The following GNL1 variants were observed in gnomAD, a reference collection of about 807,000 sequenced individuals.
The protein encoded by GNL1 is G protein nucleolar 1.
Under a neutral mutation model 75.2 loss-of-function variants are expected in GNL1, and 21 were observed. That is an observed-to-expected ratio of 0.28 (90% CI 0.20 to 0.40). The LOEUF is 0.40. Among genes scored for constraint, GNL1 ranks in the 10% least tolerant of loss-of-function variants. GNL1 has a pLI of 1.00. For missense variants in GNL1, 579 were observed against 775.0 expected (o/e 0.75, Z 3.00); for synonymous variants, 287 against 303.4 (o/e 0.95, Z 0.56).
Position 30,546,964 on chromosome 6 carries a change from A to G in GNL1, c.1442-128T>C. On this transcript the variant is annotated intron_variant, in intron 10 of 11. Coordinates refer to ENST00000376621, the MANE Select transcript of GNL1 (RefSeq NM_005275.5). This position sits in a 1 kb window ranked among gnomAD's most constrained non-coding sequence, Gnocchi z 5.1. ...AGGCCAGAGATCTTACTGGCTATGC[A>G]ACAAAAATCTAGGGGTGAGTGGACA... The G allele has an allele frequency of 8.9e-7, 1 of 1,126,262 alleles. No individual in the cohort carries two copies. The highest frequency in any genetic ancestry group is 1.3e-5 in the South Asian group (1 of 74,386). The allele number at this position is 1,126,262 out of a possible 1,614,324, so 69.8% of individuals were successfully genotyped here. A position where few individuals can be genotyped will look rare whatever the true frequency, so the allele number is the denominator to read the frequency against.
Position 30,555,737 on chromosome 6 carries a change from G to C in GNL1, c.74-17C>G. 2.5e-6 allele frequency: 4 copies of C among 1,612,216 alleles called. No homozygotes were observed. The highest frequency in any genetic ancestry group is 3.4e-6 in the Non-Finnish European group (4 of 1,179,318). On this transcript the variant is annotated splice_polypyrimidine_tract_variant and intron_variant, in intron 1 of 11. Transcript: ENST00000376621. This position sits in a 1 kb window ranked among gnomAD's most constrained non-coding sequence, Gnocchi z 4.3. ...CTTGAAGCCCTGCGGGGAGGGGCCG[G>C]TGACGCCAGTGCTGGCCAGCTCTCA...
Position 30,546,231 on chromosome 6 carries a change from C to T in GNL1, c.1665G>A (p.Glu555=), listed in dbSNP as rs760694109. 1.7e-5 allele frequency: 25 copies of T among 1,488,894 alleles called. No homozygotes were observed. The East Asian group carries it at 5.8e-4, about 35-fold the overall frequency. 92.2% of individuals were successfully genotyped at this position (1,488,894 alleles called of 1,614,324 possible). ...RVGPAGDEEE[E]EEEELSSSCE... is the part of the protein sequence containing the mutation. Reference sequence around the variant, plus strand: ...AGGAGCTGCTCAGCTCTTCCTCTTCCTCCTCCTCCTCGTCACCTGCTGGCC... The same window carrying T: ...AGGAGCTGCTCAGCTCTTCCTCTTCTTCCTCCTCCTCGTCACCTGCTGGCC... Residue 555 remains glutamate (E), a synonymous_variant, in exon 12 of 12, where the codon GAG becomes GAA. Transcript: ENST00000376621. This position sits in a 1 kb window ranked among gnomAD's most constrained non-coding sequence, Gnocchi z 5.1.
chr6:30,556,345 A>G lies in GNL1; in HGVS notation c.-142T>C. On this transcript the variant is annotated 5_prime_UTR_variant, in exon 1 of 12. Coordinates refer to ENST00000376621, the MANE Select transcript of GNL1 (RefSeq NM_005275.5). The surrounding 1 kb of genome is among the most constrained non-coding windows in gnomAD (Gnocchi z 5.7). ...GGTGACGTCAGCGGGCGGGCCCGAC[A>G]GAATTACCGCCGCGGCGGCGATGGA... 2 of 884,826 alleles carry G rather than the reference A, an allele frequency of 2.3e-6. No individual in the cohort carries two copies. The highest frequency in any genetic ancestry group is 3.0e-5 in the South Asian group (2 of 67,400). 54.8% of individuals were successfully genotyped at this position (884,826 alleles called of 1,614,324 possible). A position where few individuals can be genotyped will look rare whatever the true frequency, so the allele number is the denominator to read the frequency against.
chr6:30,556,141 C>G lies in GNL1; in HGVS notation c.63G>C (p.Glu21Asp). The change falls in exon 1 of 12, where the codon GAG (glutamate) becomes GAC (aspartate). Residue 21 changes from glutamate (E) to aspartate (D), a missense_variant. Coordinates refer to ENST00000376621, the MANE Select transcript of GNL1 (RefSeq NM_005275.5). This position sits in a 1 kb window ranked among gnomAD's most constrained non-coding sequence, Gnocchi z 5.7. ...QKKKQLQDKRERKRGLQDGLR... is the reference protein window; with the variant it reads ...QKKKQLQDKRDRKRGLQDGLR... ...CGCTCCCGCACTGACCTCTCTTCCG[C>G]TCCCGTTTGTCCTGCAACTGCTTCT... 6.2e-7 allele frequency: 1 copy of G among 1,603,666 alleles called. No individual in the cohort carries two copies. Among genetic ancestry groups the G allele is most frequent in the East Asian group, 2.2e-5 (1 of 44,862 alleles).
rs780587952 is a variant in GNL1, at chr6:30,542,844, A to G, written c.*3228T>C. On this transcript the variant is annotated 3_prime_UTR_variant, in exon 12 of 12. Coordinates refer to ENST00000376621, the MANE Select transcript of GNL1 (RefSeq NM_005275.5). The surrounding 1 kb of genome is among the most constrained non-coding windows in gnomAD (Gnocchi z 4.5). ...TTCTCACCTTTTCAGTCTTAGGCTT[A>G]AAGTTCAACATCCCTCTGGATACAG... 2.0e-5 allele frequency: 3 copies of G among 152,236 alleles called. 1 individual carries two copies. Among genetic ancestry groups the G allele is most frequent in the Admixed American group, 2.0e-4 (3 of 15,276 alleles). 9.4% of individuals were successfully genotyped at this position (152,236 alleles called of 1,614,324 possible). A position where few individuals can be genotyped will look rare whatever the true frequency, so the allele number is the denominator to read the frequency against.
Position 30,555,267 on chromosome 6 carries a change from C to A in GNL1, c.240-76G>T. 1 of 1,562,434 alleles carries A rather than the reference C, an allele frequency of 6.4e-7. No individual in the cohort carries two copies. Among genetic ancestry groups the A allele is most frequent in the South Asian group, 1.1e-5 (1 of 88,756 alleles). On this transcript the variant is annotated intron_variant, in intron 2 of 11. Coordinates refer to ENST00000376621, the MANE Select transcript of GNL1 (RefSeq NM_005275.5). This position sits in a 1 kb window ranked among gnomAD's most constrained non-coding sequence, Gnocchi z 4.3. ...CCTATTTTCTCCCCTCTTGTACAAT[C>A]AACTTCGCAAACCATTCTCTCCAGA... is the stretch of plus-strand genomic sequence containing the variant.
At position 30,552,144 on chromosome 6, in the gene GNL1, G is replaced by T; in HGVS notation, c.1099+323C>A. 1 of 343,734 alleles carries T rather than the reference G, an allele frequency of 2.9e-6. No individual in the cohort carries two copies. Among genetic ancestry groups the T allele is most frequent in the South Asian group, 7.5e-5 (1 of 13,334 alleles). 21.3% of individuals were successfully genotyped at this position (343,734 alleles called of 1,614,324 possible). A position where few individuals can be genotyped will look rare whatever the true frequency, so the allele number is the denominator to read the frequency against. ...CTCCCAAAGCGCTGGGACTATATAG[G>T]CATGAGCCCTCACACATGGCCGTCA... On this transcript the variant is annotated intron_variant, in intron 8 of 11. Transcript: ENST00000376621. The surrounding 1 kb of genome is among the most constrained non-coding windows in gnomAD (Gnocchi z 4.5).
At position 30,555,843 on chromosome 6, in the gene GNL1, C is replaced by A; in HGVS notation, c.74-123G>T. ...TCTTCCGATGTTCAGTCCTCCCAGA[C>A]ACCCTATTTGGGACCCTCCCGGATG... is the stretch of plus-strand genomic sequence containing the variant. On this transcript the variant is annotated intron_variant, in intron 1 of 11. Transcript: ENST00000376621. This position sits in a 1 kb window ranked among gnomAD's most constrained non-coding sequence, Gnocchi z 4.3. 9.1e-7 allele frequency: 1 copy of A among 1,094,530 alleles called. No individual in the cohort carries two copies. The highest frequency in any genetic ancestry group is 1.5e-5 in the South Asian group (1 of 67,832). The allele number at this position is 1,094,530 out of a possible 1,614,324, so 67.8% of individuals were successfully genotyped here.
intron 8 of GNL1, among the ~76,000 whole-genome samples, chr6:30,549,897 C>T (rs1340996526): frequency 1.3e-5 from 2 of 148,774 alleles, no homozygotes; most frequent in Admixed American, 6.8e-5. Context: ...GATCTTGGCT[C>T]ACCGTAACCT....
rs1266674440 is a variant in GNL1 at position 30,556,175 on chromosome 6, T to C, written c.29A>G (p.Lys10Arg). The C allele has an allele frequency of 1.2e-6, 2 of 1,605,922 alleles. No homozygotes were observed. Among genetic ancestry groups the C allele is most frequent in the African/African-American group, 1.3e-5 (1 of 75,060 alleles). Residue 10 changes from lysine to arginine, a missense_variant, in exon 1 of 12, where the codon AAG becomes AGG. Coordinates refer to ENST00000376621, the MANE Select transcript of GNL1 (RefSeq NM_005275.5). The surrounding 1 kb of genome is among the most constrained non-coding windows in gnomAD (Gnocchi z 5.7). ...GTCCTGCAACTGCTTCTTCTTCTGCTTCACGCTGAATGGCTTCTTCCTCGG... is the reference window on the plus strand; with the variant it reads ...GTCCTGCAACTGCTTCTTCTTCTGCCTCACGCTGAATGGCTTCTTCCTCGG... MPRKKPFSV[K>R]QKKKQLQDKR...
chr6:30,555,169 C>G lies in GNL1; in HGVS notation c.262G>C (p.Asp88His). Residue 88 changes from aspartate (D) to histidine (H), a missense_variant, in exon 3 of 12, where the codon GAC becomes CAC. Physicochemically the swap from Asp to His is moderately conservative, Grantham distance 81. Transcript: ENST00000376621. The surrounding 1 kb of genome is among the most constrained non-coding windows in gnomAD (Gnocchi z 4.3). ...CTCCTCTCTACCTCCTCCCTGCTGTCTCTCTCAAAATGCAGTCGGTATCTA... is the reference window on the plus strand; with the variant it reads ...CTCCTCTCTACCTCCTCCCTGCTGTGTCTCTCAAAATGCAGTCGGTATCTA... The part of the protein sequence containing the change: ...PNRYRLHFER[D>H]SREEVERRKR... 6.2e-7 allele frequency: 1 copy of G among 1,613,048 alleles called. No individual in the cohort carries two copies. The highest frequency in any genetic ancestry group is 1.7e-5 in the Admixed American group (1 of 60,026).
Position 30,555,004 on chromosome 6 carries a change from T to A in GNL1, c.376+51A>T, listed in dbSNP as rs1195679129. 1 of 1,611,940 alleles carries A rather than the reference T, an allele frequency of 6.2e-7. No individual in the cohort carries two copies. Among genetic ancestry groups the A allele is most frequent in the African/African-American group, 1.3e-5 (1 of 74,882 alleles). On this transcript the variant is annotated intron_variant, in intron 3 of 11. Coordinates refer to ENST00000376621, the MANE Select transcript of GNL1 (RefSeq NM_005275.5). The surrounding 1 kb of genome is among the most constrained non-coding windows in gnomAD (Gnocchi z 4.3). ...CCCCTCCTTCCTCACAGTCGGCTTT[T>A]ACCTTTCCAAACTCCTTCCCCAGCC...
chr6:30,542,168 G>T lies in GNL1; in HGVS notation c.*3904C>A, dbSNP rs2127359205. On this transcript the variant is annotated 3_prime_UTR_variant, in exon 12 of 12. Transcript: ENST00000376621. This position sits in a 1 kb window ranked among gnomAD's most constrained non-coding sequence, Gnocchi z 4.5. ...TTATTCCTTAACCCTCTGACATCTG[G>T]GGCTTCTGATTCCACCTCTCCAAAG... The T allele has an allele frequency of 6.6e-6, 1 of 151,410 alleles. No homozygotes were observed. The highest frequency in any genetic ancestry group is 2.0e-4 in the East Asian group (1 of 5,126). 9.4% of individuals were successfully genotyped at this position (151,410 alleles called of 1,614,324 possible). A position where few individuals can be genotyped will look rare whatever the true frequency, so the allele number is the denominator to read the frequency against.
In GNL1 at chr6:30,552,477, G is replaced by A. The variant is rs765116090; in HGVS notation, c.1089C>T (p.Ile363=). The change falls in exon 8 of 12, where the codon ATC becomes ATT. Residue 363 remains isoleucine, a synonymous_variant. Transcript: ENST00000376621. This position sits in a 1 kb window ranked among gnomAD's most constrained non-coding sequence, Gnocchi z 4.5. ...CTGCCACTTCCTTACCCACACAGCCGATGGTCACCACCCCATCCTTGTAGC... is the reference window on the plus strand; with the variant it reads ...CTGCCACTTCCTTACCCACACAGCCAATGGTCACCACCCCATCCTTGTAGC... ...QERYKDGVVT[I]GCVGFPNVGK... 26 of 1,612,496 alleles carry A rather than the reference G, an allele frequency of 1.6e-5. No homozygotes were observed. The highest frequency in any genetic ancestry group is 8.8e-5 in the South Asian group (8 of 90,934).
chr6:30,546,574 TTAAG>T lies in GNL1; in HGVS notation c.1582+118_1582+121del. Reference sequence around the variant, plus strand: ...GCAGATCAGGAAAATATCACAGATGTTAAGTAACAGAGCTAGCCAACAGGTACAG... The same window carrying T: ...GCAGATCAGGAAAATATCACAGATGTTAACAGAGCTAGCCAACAGGTACAG... On this transcript the variant is annotated intron_variant, in intron 11 of 11. Coordinates refer to ENST00000376621, the MANE Select transcript of GNL1 (RefSeq NM_005275.5). The surrounding 1 kb of genome is among the most constrained non-coding windows in gnomAD (Gnocchi z 5.1). 1 of 812,910 alleles carries T rather than the reference TTAAG, an allele frequency of 1.2e-6. No homozygotes were observed. Among genetic ancestry groups the T allele is most frequent in the East Asian group, 2.5e-5 (1 of 40,342 alleles). 50.4% of individuals were successfully genotyped at this position (812,910 alleles called of 1,614,324 possible).
Position 30,546,317 on chromosome 6 carries a change from G to A in GNL1, c.1583-4C>T. The A allele has an allele frequency of 1.9e-6, 3 of 1,586,506 alleles. No individual in the cohort carries two copies. The highest frequency in any genetic ancestry group is 2.3e-5 in the East Asian group (1 of 44,052). On this transcript the variant is annotated splice_region_variant and splice_polypyrimidine_tract_variant and intron_variant, in intron 11 of 11. Coordinates refer to ENST00000376621, the MANE Select transcript of GNL1 (RefSeq NM_005275.5). The surrounding 1 kb of genome is among the most constrained non-coding windows in gnomAD (Gnocchi z 5.1). ...TCTGGATGGGACTCCCAGGTGCCTG[G>A]GGAACCAAAACAAGAAAAAAATGGA...
Position 30,552,895 on chromosome 6 carries a change from C to T in GNL1, c.904+189G>A, listed in dbSNP as rs1799883463. Reference sequence around the variant, plus strand: ...ACTGGGAAGGCTAAAGGCAGCAAGCCACTGAGGCTCCTGACTACCTGCTGC... The same window carrying T: ...ACTGGGAAGGCTAAAGGCAGCAAGCTACTGAGGCTCCTGACTACCTGCTGC... On this transcript the variant is annotated intron_variant, in intron 7 of 11. Transcript: ENST00000376621. This position sits in a 1 kb window ranked among gnomAD's most constrained non-coding sequence, Gnocchi z 4.5. Among the ~76,000 whole-genome samples the T allele has an allele frequency of 6.6e-6, 1 of 152,222 alleles. No individual in the cohort carries two copies. Among genetic ancestry groups the T allele is most frequent in the South Asian group, 2.1e-4 (1 of 4,836 alleles).
chr6:30,556,161 GCTT>G lies in GNL1; in HGVS notation c.40_42del (p.Lys14del), dbSNP rs764965786. ...TTCCGCTCCCGTTTGTCCTGCAACTGCTTCTTCTTCTGCTTCACGCTGAATGGC... is the reference window on the plus strand; with the variant it reads ...TTCCGCTCCCGTTTGTCCTGCAACTGCTTCTTCTGCTTCACGCTGAATGGC... On this transcript the variant is annotated inframe_deletion, in exon 1 of 12. Coordinates refer to ENST00000376621, the MANE Select transcript of GNL1 (RefSeq NM_005275.5). This position sits in a 1 kb window ranked among gnomAD's most constrained non-coding sequence, Gnocchi z 5.7. 79 of 1,600,572 alleles carry G rather than the reference GCTT, an allele frequency of 4.9e-5. No individual in the cohort carries two copies. Among genetic ancestry groups the G allele is most frequent in the Non-Finnish European group, 6.0e-5 (71 of 1,175,024 alleles).
In GNL1 at chr6:30,555,851, T is replaced by C; in HGVS notation, c.74-131A>G. The C allele has an allele frequency of 9.7e-7, 1 of 1,025,784 alleles. No individual in the cohort carries two copies. Among genetic ancestry groups the C allele is most frequent in the Non-Finnish European group, 1.4e-6 (1 of 699,694 alleles). 63.5% of individuals were successfully genotyped at this position (1,025,784 alleles called of 1,614,324 possible). A position where few individuals can be genotyped will look rare whatever the true frequency, so the allele number is the denominator to read the frequency against. On this transcript the variant is annotated intron_variant, in intron 1 of 11. Coordinates refer to ENST00000376621, the MANE Select transcript of GNL1 (RefSeq NM_005275.5). The surrounding 1 kb of genome is among the most constrained non-coding windows in gnomAD (Gnocchi z 4.3). Reference sequence around the variant, plus strand: ...TGTTCAGTCCTCCCAGACACCCTATTTGGGACCCTCCCGGATGTGCGTGGG... The same window carrying C: ...TGTTCAGTCCTCCCAGACACCCTATCTGGGACCCTCCCGGATGTGCGTGGG...
Sources: gnomAD v4.1 joint callset for allele counts (sites outside exome capture counted in the v4.1 genomes callset) on GRCh38, gnomAD v4.1.1 for gene constraint, Gnocchi (gnomAD v3.1) non-coding constraint, MANE v1.5 for transcripts, NCBI Gene and HGNC (gene_info 2026-07-23, HGNC 2026-07-21) for gene names.